Variants in CGGBP1 observed in about 807,000 individuals in gnomAD.
The protein encoded by CGGBP1 is CGG triplet repeat binding protein 1, also known as CGG triplet repeat-binding protein 1.
A neutral mutation model predicts 11.4 loss-of-function variants in CGGBP1; 4 were observed. The ratio of observed to expected loss-of-function variants is 0.35; its 90% CI spans 0.17 to 0.80. CGGBP1 has a LOEUF of 0.80. Among genes scored for constraint, CGGBP1 ranks in the 30% least tolerant of loss-of-function variants. CGGBP1 has a pLI of 0.52. For synonymous variants in CGGBP1, 76 were observed against 74.1 expected (o/e 1.03, Z -0.13); for missense variants, 135 against 202.1 (o/e 0.67, Z 2.01).
At chr3:88,095,715 C>A in intron 2 of CGGBP1, 1 of 396,280 alleles carries the variant, frequency 2.5e-6, no homozygotes, top group Non-Finnish European at 4.8e-6. Context: ...TTCTTTGCTA[C>A]TTTTTGACTT....
At chr3:88,059,782 C>T (rs1423729147), upstream of CGGBP1, among the ~76,000 whole-genome samples, 1 of 152,090 alleles carries the variant, frequency 6.6e-6, no homozygotes, top group Non-Finnish European at 1.5e-5. Flanking sequence ...AAAGCTCTGT[C>T]CTGACATGCC....
chr3:88,139,461 A>C, intron 2 of CGGBP1: 1 of 1,613,852 alleles, frequency 6.2e-7, no homozygotes. Context: ...TGTTAAGAAG[A>C]TACAGAGGCA....
At chr3:88,097,208 A>G (rs1294721371) in intron 2 of CGGBP1, among the ~76,000 whole-genome samples, 1 of 152,162 alleles carries the variant, frequency 6.6e-6, no homozygotes, top group African/African-American at 2.4e-5. Flanking sequence ...TGCTAGATCA[A>G]AGAGTGTAAT....
At chr3:88,091,866 G>A (rs1214098723) in intron 2 of CGGBP1, among the ~76,000 whole-genome samples, 1 of 152,144 alleles carries the variant, frequency 6.6e-6, no homozygotes, top group Admixed American at 6.5e-5. Context: ...GTAGAACTGT[G>A]AGTCCATTAA....
rs1705583255 is a variant in CGGBP1, at chr3:88,118,938, G to T, written c.-229+22032C>A. Among the ~76,000 whole-genome samples the T allele has an allele frequency of 2.7e-5, 4 of 149,280 alleles. 1 individual carries two copies. In the South Asian group the frequency reaches 8.7e-4, roughly 32 times the overall value. The stretch of plus-strand genomic sequence containing the variant: ...AGGAACACTTTTACACTGTTGGTGG[G>T]ACTGTAAACTAGTTCAACCATTGTG... On this transcript the variant is annotated intron_variant, in intron 2 of 3. Coordinates refer to the CGGBP1 transcript ENST00000462901.
At chr3:88,101,491 C>T (rs532975735) in intron 2 of CGGBP1, among the ~76,000 whole-genome samples, 1 of 152,124 alleles carries the variant, frequency 6.6e-6, no homozygotes, top group African/African-American at 2.4e-5. Context: ...GAATAATGTT[C>T]TTGAGGTTTA....
chr3:88,134,544 C>T (rs1251043774), intron 2 of CGGBP1, among the ~76,000 whole-genome samples: 1 of 151,974 alleles, frequency 6.6e-6, no homozygotes, highest in African/African-American at 2.4e-5. Flanking sequence ...TCAAATGGTC[C>T]ATAACCTGTC....
intron 2 of CGGBP1, among the ~76,000 whole-genome samples, chr3:88,105,268 A>G (rs892385367): frequency 1.6e-4 from 19 of 120,818 alleles, no homozygotes; most frequent in African/African-American, 5.4e-4. Flanking sequence ...AAACAGATAC[A>G]TACATTTTTC....
chr3:88,138,648 A>G (rs1167742414), intron 2 of CGGBP1: 22 of 1,025,202 alleles, frequency 2.1e-5, no homozygotes, highest in Admixed American at 4.3e-5. Flanking sequence ...AAGATAGACT[A>G]GTATAACCAT....
intron 2 of CGGBP1, among the ~76,000 whole-genome samples, chr3:88,124,295 G>A (rs1373052845): frequency 6.6e-6 from 1 of 152,130 alleles, no homozygotes; most frequent in Non-Finnish European, 1.5e-5. Context: ...AGAGCAGAGA[G>A]GTTAAGTAAC....
chr3:88,140,875 T>A (rs775701617), intron 2 of CGGBP1: 11 of 1,613,496 alleles, frequency 6.8e-6, no homozygotes, highest in Non-Finnish European at 9.3e-6. Context: ...CGCAGAAAAT[T>A]TCTGACTGAT....
chr3:88,059,474 G>A, upstream of CGGBP1: 1 of 1,516,942 alleles, frequency 6.6e-7, no homozygotes, highest in Non-Finnish European at 8.8e-7. Flanking sequence ...GTCGGAATCA[G>A]CAGTCGGGAT....
intron 2 of CGGBP1, among the ~76,000 whole-genome samples, chr3:88,084,775 C>A (rs925004058): frequency 6.6e-6 from 1 of 152,146 alleles, no homozygotes; most frequent in Non-Finnish European, 1.5e-5. Flanking sequence ...CAGCAAGCAG[C>A]GTGAGTTTCG....
At chr3:88,118,326 A>T (rs1705538277) in intron 2 of CGGBP1, among the ~76,000 whole-genome samples, 1 of 152,076 alleles carries the variant, frequency 6.6e-6, no homozygotes, top group Non-Finnish European at 1.5e-5. Context: ...TCATGTCCCA[A>T]GCAGGAGGCT....
chr3:88,076,464 G>A (rs1707807661), intron 2 of CGGBP1, among the ~76,000 whole-genome samples: 2 of 152,038 alleles, frequency 1.3e-5, no homozygotes, highest in Admixed American at 1.3e-4. Flanking sequence ...CTCTAAGAGT[G>A]AACTTTTATT....
intron 2 of CGGBP1, chr3:88,113,312 TG>T: frequency 3.5e-6 from 2 of 572,838 alleles, no homozygotes; most frequent in South Asian, 5.8e-5. Context: ...ATTGCTAAGG[TG>T]ACAGTGTTTA....
chr3:88,076,087 A>G (rs1306984357), intron 2 of CGGBP1, among the ~76,000 whole-genome samples: 1 of 152,194 alleles, frequency 6.6e-6, no homozygotes, highest in Non-Finnish European at 1.5e-5. Context: ...ATGCACCTGA[A>G]ATGCTTCAGA....
chr3:88,102,817 CTTTTT>C (rs10701359), intron 2 of CGGBP1, among the ~76,000 whole-genome samples: 5 of 106,548 alleles, frequency 4.7e-5, no homozygotes, highest in African/African-American at 1.4e-4. Context: ...CCTCTACTGT[CTTTTT>C]TTTTTTTTTT....
intron 2 of CGGBP1, among the ~76,000 whole-genome samples, chr3:88,124,086 A>G (rs1363049111): frequency 6.6e-6 from 1 of 152,230 alleles, no homozygotes; most frequent in East Asian, 1.9e-4. Flanking sequence ...CATGCCAAGG[A>G]AACTAGATGC....
Sources: gnomAD v4.1 joint callset for allele counts (sites outside exome capture counted in the v4.1 genomes callset) on GRCh38, gnomAD v4.1.1 for gene constraint, MANE v1.5 for transcripts, NCBI Gene and HGNC (gene_info 2026-07-23, HGNC 2026-07-21) for gene names.